The following ABRAXAS1 variants were observed in gnomAD, a reference collection of about 807,000 sequenced individuals.
ABRAXAS1 encodes the protein abraxas 1, BRCA1 A complex subunit, also known as BRCA1-A complex subunit Abraxas 1.
Under a neutral mutation model 38.4 loss-of-function variants are expected in ABRAXAS1, and 26 were observed. The observed-to-expected ratio is 0.68, with a 90% confidence interval of 0.50 to 0.94. The LOEUF (loss-of-function observed/expected upper bound fraction) is 0.94, where lower values mean the gene tolerates loss of function less well. ABRAXAS1 is among the 40% of genes least tolerant of loss of function. The pLI is 0.00. For missense variants in ABRAXAS1, 438 were observed against 481.9 expected, an observed-to-expected ratio of 0.91 and a Z score of 0.85; for synonymous variants, 144 against 165.5, an observed-to-expected ratio of 0.87 and a Z score of 1.00.
chr4:83,465,299 C>CAAAAAAAAAAAAAAAAAAAAAA (rs35072866), intron 7 of ABRAXAS1, among the ~76,000 whole-genome samples: 2 of 88,210 alleles, frequency 2.3e-5, no homozygotes, highest in African/African-American at 8.0e-5. Context: ...GACTCTGTCT[C>CAAAAAAAAAAAAAAAAAAAAAA]AAAAAAAAAA....
rs1436527384 is a variant in ABRAXAS1 at position 83,461,752 on chromosome 4, G to A, written c.*717C>T. 2 of 229,098 alleles carry A rather than the reference G, an allele frequency of 8.7e-6. No homozygotes were observed. Among genetic ancestry groups the A allele is most frequent in the Non-Finnish European group, 1.7e-5 (2 of 115,578 alleles). 14.2% of individuals were successfully genotyped at this position (229,098 alleles called of 1,614,324 possible). ...TACACTGGATTACCAGGCTTGTACTGTATTCAAAATGATAGATTTGCTAAA... is the reference window on the plus strand; with the variant it reads ...TACACTGGATTACCAGGCTTGTACTATATTCAAAATGATAGATTTGCTAAA... On this transcript the variant is annotated 3_prime_UTR_variant, in exon 9 of 9. Coordinates refer to ENST00000321945, the MANE Select transcript of ABRAXAS1 (RefSeq NM_139076.3).
At chr4:83,468,505 CAAAG>C (rs1313394371) in intron 6 of ABRAXAS1, among the ~76,000 whole-genome samples, 2 of 151,936 alleles carry the variant, frequency 1.3e-5, no homozygotes, top group Non-Finnish European at 2.9e-5. Flanking sequence ...TTAATGGCCA[CAAAG>C]AAAGTTATAT....
Position 83,459,802 on chromosome 4 carries a change from GTTCT to G in ABRAXAS1, c.*2663_*2666del, listed in dbSNP as rs749104393. 1.9e-6 allele frequency: 3 copies of G among 1,586,256 alleles called. No homozygotes were observed. Among genetic ancestry groups the G allele is most frequent in the East Asian group, 2.3e-5 (1 of 44,438 alleles). On this transcript the variant is annotated 3_prime_UTR_variant, in exon 9 of 9. Coordinates refer to ENST00000321945, the MANE Select transcript of ABRAXAS1 (RefSeq NM_139076.3). ...TTTATGGAAGGCACATTACAGGTAT[GTTCT>G]TTTTTATTATGGGAATATAAATGTA...
chr4:83,484,161 C>T, intron 1 of ABRAXAS1: 1 of 983,080 alleles, frequency 1.0e-6, no homozygotes, highest in African/African-American at 1.7e-5. Context: ...AGCCACCGCG[C>T]CCGACCTATA....
At chr4:83,470,634 G>A (rs1722547472) in intron 4 of ABRAXAS1, among the ~76,000 whole-genome samples, 2 of 152,096 alleles carry the variant, frequency 1.3e-5, no homozygotes. Flanking sequence ...TTAAAAGGGA[G>A]AAATAAATTC....
chr4:83,465,256 AT>A (rs1412796165), intron 7 of ABRAXAS1, among the ~76,000 whole-genome samples: 1 of 135,516 alleles, frequency 7.4e-6, no homozygotes, highest in Non-Finnish European at 1.5e-5. Context: ...AGATCATGCC[AT>A]TCATTGCACT....
chr4:83,467,297 CTAA>C, intron 7 of ABRAXAS1, 154 bp downstream of exon 7: 1 of 539,426 alleles, frequency 1.9e-6, no homozygotes, highest in Non-Finnish European at 3.3e-6. Context: ...ATAAAACTGC[CTAA>C]TGACACATTT....
chr4:83,466,281 C>T (rs13115704), intron 7 of ABRAXAS1, among the ~76,000 whole-genome samples: 56,361 of 151,950 alleles, frequency 0.37, 11,712 homozygotes, highest in East Asian at 0.67. Context: ...TTATCCTTCT[C>T]AGGCCCAATA....
Position 83,461,493 on chromosome 4 carries a change from T to C in ABRAXAS1, c.*976A>G, listed in dbSNP as rs192857866. The C allele has an allele frequency of 5.9e-6, 2 of 337,884 alleles. No individual in the cohort carries two copies. The highest frequency in any genetic ancestry group is 5.0e-5 in the South Asian group (1 of 20,154). 20.9% of individuals were successfully genotyped at this position (337,884 alleles called of 1,614,324 possible). A position where few individuals can be genotyped will look rare whatever the true frequency, so the allele number is the denominator to read the frequency against. Reference sequence around the variant, plus strand: ...TGGAATTAAAACTGTTCAGAATGATTTTCCAACTAGCAAATATAAGTATGC... The same window carrying C: ...TGGAATTAAAACTGTTCAGAATGATCTTCCAACTAGCAAATATAAGTATGC... On this transcript the variant is annotated 3_prime_UTR_variant, in exon 9 of 9. Transcript: ENST00000321945.
At chr4:83,484,884 G>T in intron 1 of ABRAXAS1, 102 bp downstream of exon 1, 1 of 956,728 alleles carries the variant, frequency 1.0e-6, no homozygotes, top group Non-Finnish European at 1.5e-6. Context: ...AGGCGCGGCG[G>T]CGTCGGGGGA....
chr4:83,481,268 T>C (rs1043630963), intron 2 of ABRAXAS1, among the ~76,000 whole-genome samples: 5 of 152,204 alleles, frequency 3.3e-5, no homozygotes, highest in African/African-American at 9.6e-5. Context: ...TACACATATA[T>C]AGAGAAAAAC....
chr4:83,472,755 T>G lies in ABRAXAS1; in HGVS notation c.216-467A>C, dbSNP rs150744930. On this transcript the variant is annotated intron_variant, in intron 3 of 8. Coordinates refer to ENST00000321945, the MANE Select transcript of ABRAXAS1 (RefSeq NM_139076.3). ...TATGTATTTTAGGAGGTGGCTGGGT[T>G]TTTTGGGGTGGGGGAAGGGAATAGG... 5.1e-4 allele frequency among the ~76,000 whole-genome samples: 78 copies of G among 152,284 alleles called. 2 individuals carry two copies. In the East Asian group the frequency reaches 0.013, roughly 25 times the overall value.
intron 2 of ABRAXAS1, among the ~76,000 whole-genome samples, 163 bp downstream of exon 2, chr4:83,481,991 C>T (rs751022224): frequency 9.9e-5 from 15 of 152,124 alleles, no homozygotes; most frequent in South Asian, 2.1e-4. Context: ...TCAGGTAATC[C>T]GCCTCGGCCT....
chr4:83,482,240 C>T lies in ABRAXAS1; in HGVS notation c.92G>A (p.Gly31Asp), dbSNP rs756325320. The T allele has an allele frequency of 6.2e-7, 1 of 1,601,458 alleles. No individual in the cohort carries two copies. The highest frequency in any genetic ancestry group is 1.7e-5 in the Admixed American group (1 of 59,098). ...QHLNTDSDTE[G>D]FLLGEVKGEA... Reference sequence around the variant, plus strand: ...ACCTTTTACTTCCCCAAGAAGAAAACCTTCCTATGAAGATAAAGAGGCAAT... The same window carrying T: ...ACCTTTTACTTCCCCAAGAAGAAAATCTTCCTATGAAGATAAAGAGGCAAT... The change falls in exon 2 of 9, where the codon GGT (glycine) becomes GAT (aspartate). Residue 31 changes from glycine (G) to aspartate (D), a missense_variant. Physicochemically the swap from Gly to Asp is moderately conservative, Grantham distance 94. Around this residue, in one of 3 missense-constraint regions of ABRAXAS1, gnomAD observed 194 missense variants for 269.0 expected, o/e 0.72. Coordinates refer to ENST00000321945, the MANE Select transcript of ABRAXAS1 (RefSeq NM_139076.3).
chr4:83,476,822 T>C, intron 2 of ABRAXAS1, 143 bp from the exon 3 acceptor site: 1 of 569,660 alleles, frequency 1.8e-6, no homozygotes, highest in Non-Finnish European at 3.2e-6. Flanking sequence ...ATCTGCGACA[T>C]ATACTATCAT....
At chr4:83,466,036 TC>T (rs1481988984) in intron 7 of ABRAXAS1, among the ~76,000 whole-genome samples, 1 of 152,186 alleles carries the variant, frequency 6.6e-6, no homozygotes, top group Non-Finnish European at 1.5e-5. Flanking sequence ...CCTGGGCTGT[TC>T]CTAGCCAATG....
chr4:83,477,771 C>T (rs1243710979), intron 2 of ABRAXAS1: 3 of 700,508 alleles, frequency 4.3e-6, no homozygotes, highest in Non-Finnish European at 8.0e-6. Flanking sequence ...TCAGGAATTG[C>T]TCCTGTTTTG....
In ABRAXAS1 at chr4:83,461,261, A is replaced by G; in HGVS notation, c.*1208T>C. 7.3e-7 allele frequency: 1 copy of G among 1,369,148 alleles called. No homozygotes were observed. Among genetic ancestry groups the G allele is most frequent in the Non-Finnish European group, 1.0e-6 (1 of 961,452 alleles). 84.8% of individuals were successfully genotyped at this position (1,369,148 alleles called of 1,614,324 possible). A position where few individuals can be genotyped will look rare whatever the true frequency, so the allele number is the denominator to read the frequency against. ...AAGTGGTTGTATGATGCCAATACTGACTCAAACCAACCTTTGGATAGAAAA... is the reference window on the plus strand; with the variant it reads ...AAGTGGTTGTATGATGCCAATACTGGCTCAAACCAACCTTTGGATAGAAAA... On this transcript the variant is annotated 3_prime_UTR_variant, in exon 9 of 9. Transcript: ENST00000321945.
chr4:83,470,621 A>G (rs1722546662), intron 4 of ABRAXAS1, among the ~76,000 whole-genome samples: 1 of 152,220 alleles, frequency 6.6e-6, no homozygotes, highest in Non-Finnish European at 1.5e-5. Context: ...TCATCAATAT[A>G]GATTAAAAGG....
Sources: gnomAD v4.1 joint callset for allele counts (sites outside exome capture counted in the v4.1 genomes callset) on GRCh38, gnomAD v4.1.1 for gene constraint, gnomAD v4.1.1 regional missense constraint, MANE v1.5 for transcripts, NCBI Gene and HGNC (gene_info 2026-07-23, HGNC 2026-07-21) for gene names.